The following ZNF423 variants were observed in gnomAD, a reference collection of about 807,000 sequenced individuals.
ZNF423 encodes the protein zinc finger protein 423.
In ZNF423, 12 loss-of-function variants were observed where a neutral mutation model predicts 95.8. The observed-to-expected ratio is 0.13, with a 90% CI of 0.08 to 0.20. The LOEUF is 0.20. Among genes scored for constraint, ZNF423 ranks in the 10% least tolerant of loss-of-function variants. The probability of loss-of-function intolerance (pLI) is 1.00; values close to 1 mark genes in which losing one functional copy is unlikely to be tolerated. For synonymous variants in ZNF423, 749 were observed against 711.9 expected (o/e 1.05, Z -0.83); for missense variants, 1,316 against 1,737.1 (o/e 0.76, Z 4.31).
At chr16:49,744,553 G>A (rs1284269749) in intron 2 of ZNF423, among the ~76,000 whole-genome samples, 4 of 152,306 alleles carry the variant, frequency 2.6e-5, no homozygotes, top group South Asian at 4.1e-4. Context: ...TCCCCAGCTC[G>A]GGGTTGGGGT....
chr16:49,831,549 A>G (rs899835614), intron 1 of ZNF423, among the ~76,000 whole-genome samples: 23 of 152,294 alleles, frequency 1.5e-4, no homozygotes, highest in African/African-American at 5.3e-4. Context: ...ACAGCATGAG[A>G]CCACCATACA....
chr16:49,554,055 C>A (rs1243820474), intron 5 of ZNF423, among the ~76,000 whole-genome samples: 1 of 152,172 alleles, frequency 6.6e-6, no homozygotes, highest in Non-Finnish European at 1.5e-5. Context: ...ATGGTCCCCC[C>A]ACAACAATGA....
At chr16:49,655,619 G>A (rs2029868356) in intron 3 of ZNF423, among the ~76,000 whole-genome samples, 1 of 152,180 alleles carries the variant, frequency 6.6e-6, no homozygotes, top group Non-Finnish European at 1.5e-5. Flanking sequence ...CACTGAGGGG[G>A]ATGGGCGCAC....
chr16:49,605,435 G>A (rs934110782), intron 5 of ZNF423, among the ~76,000 whole-genome samples: 8 of 152,288 alleles, frequency 5.3e-5, no homozygotes, highest in South Asian at 2.1e-4. Flanking sequence ...CCACTTAGTC[G>A]TGAAGCTTCC....
chr16:49,528,860 C>T (rs1434963241), intron 5 of ZNF423, among the ~76,000 whole-genome samples: 3 of 152,056 alleles, frequency 2.0e-5, no homozygotes, highest in Admixed American at 2.0e-4. Context: ...TGAGCCAGCC[C>T]ATGGATATTG....
chr16:49,537,379 G>A (rs1489992299), intron 5 of ZNF423, among the ~76,000 whole-genome samples: 1 of 152,212 alleles, frequency 6.6e-6, no homozygotes. Flanking sequence ...TGAGCTAAGT[G>A]GTCTGTGTGA....
chr16:49,821,018 C>T (rs531728980), intron 1 of ZNF423, among the ~76,000 whole-genome samples: 4 of 152,290 alleles, frequency 2.6e-5, no homozygotes, highest in African/African-American at 9.6e-5. Context: ...CCCTTGGAGC[C>T]TTGTTCGCCT....
chr16:49,664,333 C>T, intron 3 of ZNF423: 1 of 976,246 alleles, frequency 1.0e-6, no homozygotes, highest in Non-Finnish European at 1.2e-6. Flanking sequence ...ACCCAGCTAG[C>T]GGGAGAGGAA....
intron 4 of ZNF423, among the ~76,000 whole-genome samples, chr16:49,633,356 C>T (rs1216907367): frequency 6.6e-6 from 1 of 152,144 alleles, no homozygotes; most frequent in Non-Finnish European, 1.5e-5. Context: ...CAGAGCAAAA[C>T]GCTAAGGTCA....
At chr16:49,733,540 A>G (rs2033217509) in intron 2 of ZNF423, among the ~76,000 whole-genome samples, 1 of 152,096 alleles carries the variant, frequency 6.6e-6, no homozygotes, top group Non-Finnish European at 1.5e-5. Flanking sequence ...TAAGGCAAAA[A>G]CCCATAAAGT....
At chr16:49,852,805 C>G (rs1022268560) in intron 1 of ZNF423, among the ~76,000 whole-genome samples, 7 of 150,688 alleles carry the variant, frequency 4.6e-5, no homozygotes, top group Non-Finnish European at 8.9e-5. Flanking sequence ...TACTAGGTGT[C>G]CTCCCTGTGA....
intron 4 of ZNF423, among the ~76,000 whole-genome samples, chr16:49,627,993 C>T (rs1018164969): frequency 6.6e-6 from 1 of 151,120 alleles, no homozygotes; most frequent in African/African-American, 2.4e-5. Context: ...ATCCATCCTC[C>T]ATCTACCTAT....
upstream of ZNF423, among the ~76,000 whole-genome samples, chr16:49,858,400 C>T (rs2035394753): frequency 6.6e-6 from 1 of 151,922 alleles, no homozygotes; most frequent in African/African-American, 2.4e-5. The surrounding 1 kb of genome is among the most constrained non-coding windows in gnomAD (Gnocchi z 4.3). Context: ...CCACGCACCC[C>T]CGCGGCTGGG....
intron 5 of ZNF423, among the ~76,000 whole-genome samples, chr16:49,623,099 G>A (rs955567200): frequency 6.6e-6 from 1 of 152,124 alleles, no homozygotes; most frequent in Non-Finnish European, 1.5e-5. Context: ...AGCCACCGGA[G>A]GTCTGGCTCA....
At chr16:49,679,077 G>A (rs568259988) in intron 3 of ZNF423, among the ~76,000 whole-genome samples, 172 of 152,250 alleles carry the variant, frequency 1.1e-3, no homozygotes, top group African/African-American at 4.0e-3. Context: ...CGAATAGCTC[G>A]GACTACAGGT....
intron 2 of ZNF423, among the ~76,000 whole-genome samples, chr16:49,746,165 A>G (rs1391945254): frequency 6.6e-6 from 1 of 152,060 alleles, no homozygotes; most frequent in East Asian, 1.9e-4. Flanking sequence ...AGTGGAATGC[A>G]ATGTTGGCCC....
At chr16:49,859,101 G>T (rs997853748), upstream of ZNF423, among the ~76,000 whole-genome samples, 3 of 152,184 alleles carry the variant, frequency 2.0e-5, no homozygotes, top group African/African-American at 7.2e-5. Context: ...AAAGGAGCGC[G>T]GTGGGGAATG....
intron 5 of ZNF423, among the ~76,000 whole-genome samples, chr16:49,620,132 TAC>T (rs56739115): frequency 0.012 from 1,700 of 143,264 alleles, 21 homozygotes; most frequent in South Asian, 0.079. Flanking sequence ...CTCTCTCTTC[TAC>T]ACACACACAC....
chr16:49,609,756 G>T (rs538756361), intron 5 of ZNF423, among the ~76,000 whole-genome samples: 4 of 152,172 alleles, frequency 2.6e-5, no homozygotes, highest in Admixed American at 2.0e-4. Context: ...AAGAGGGCAG[G>T]ATTGAAAATG....
Sources: gnomAD v4.1 joint callset for allele counts (sites outside exome capture counted in the v4.1 genomes callset) on GRCh38, gnomAD v4.1.1 for gene constraint, Gnocchi (gnomAD v3.1) non-coding constraint, MANE v1.5 for transcripts, NCBI Gene and HGNC (gene_info 2026-07-23, HGNC 2026-07-21) for gene names.